Variants in KMT2C observed in about 807,000 individuals in gnomAD.
KMT2C encodes the protein histone-lysine N-methyltransferase 2C.
KMT2C carries 88 observed loss-of-function variants against 507.9 expected under a neutral mutation model. That is an observed-to-expected ratio of 0.17 (90% confidence interval 0.15 to 0.21). The LOEUF is 0.21. KMT2C is among the 10% of genes least tolerant of loss of function. The pLI is 1.00. For synonymous variants in KMT2C, 2,049 were observed against 2,080.8 expected (o/e 0.98, Z 0.42); for missense variants, 4,954 against 5,957.8 (o/e 0.83, Z 5.55).
intron 35 of KMT2C, 88 bp from the exon 36 acceptor site, chr7:152,182,682 T>C: frequency 2.5e-6 from 3 of 1,207,532 alleles, no homozygotes; most frequent in Non-Finnish European, 3.5e-6. Flanking sequence ...GAAAGTTAAT[T>C]TGTTTGATGT....
chr7:152,150,828 C>T, intron 51 of KMT2C, 72 bp downstream of exon 51: 1 of 1,032,642 alleles, frequency 9.7e-7, no homozygotes, highest in Middle Eastern at 2.0e-4. Context: ...CATCTTTATT[C>T]ACTCCCATAT....
intron 1 of KMT2C, among the ~76,000 whole-genome samples, chr7:152,389,086 G>C (rs1451584324): frequency 1.3e-5 from 2 of 151,644 alleles, no homozygotes; most frequent in Non-Finnish European, 2.9e-5. Flanking sequence ...GTTTCACCGT[G>C]TTAGCAAGGA....
In KMT2C at chr7:152,180,035, A is replaced by G. The variant is rs777756949; in HGVS notation, c.7241T>C (p.Val2414Ala). 3 of 1,614,080 alleles carry G rather than the reference A, an allele frequency of 1.9e-6. No homozygotes were observed. Among genetic ancestry groups the G allele is most frequent in the African/African-American group, 1.3e-5 (1 of 74,916 alleles). Residue 2414 changes from valine (V) to alanine (A), a missense_variant, in exon 37 of 59, where the codon GTG becomes GCG. Transcript: ENST00000262189. ...GTGTTGAAGAGGCCCTGGATGAGGC[A>G]CTGCGGGTGAGTCCTGTGACCCCTT... ...QEKGSQDSPA[V>A]PHPGPLQHWQ...
intron 23 of KMT2C, among the ~76,000 whole-genome samples, chr7:152,216,115 C>T (rs2129143376): frequency 6.6e-6 from 1 of 152,242 alleles, no homozygotes; most frequent in South Asian, 2.1e-4. Context: ...CCCACACCTC[C>T]CAACACATCC....
At chr7:152,194,618 C>T (rs1299410495) in intron 28 of KMT2C, 50 bp from the exon 29 acceptor site, 7 of 1,466,494 alleles carry the variant, frequency 4.8e-6, no homozygotes, top group South Asian at 1.2e-5. Flanking sequence ...AATACTCACA[C>T]AAAAATGTAT....
At chr7:152,408,057 AG>A (rs1188339132) in intron 1 of KMT2C, among the ~76,000 whole-genome samples, 3 of 151,754 alleles carry the variant, frequency 2.0e-5, no homozygotes, top group Non-Finnish European at 4.4e-5. Context: ...TGGGAGGCCG[AG>A]GTGGGCAGAT....
At chr7:152,393,447 G>T (rs1246695028) in intron 1 of KMT2C, among the ~76,000 whole-genome samples, 2 of 152,042 alleles carry the variant, frequency 1.3e-5, no homozygotes, top group Non-Finnish European at 2.9e-5. Flanking sequence ...AGAAAAATGG[G>T]CAATGACAAA....
At chr7:152,359,054 T>C (rs2097174708) in intron 1 of KMT2C, among the ~76,000 whole-genome samples, 1 of 152,244 alleles carries the variant, frequency 6.6e-6, no homozygotes, top group Non-Finnish European at 1.5e-5. Flanking sequence ...GTTTAACTTC[T>C]ATATTTAATA....
At chr7:152,379,997 C>T (rs1172964668) in intron 1 of KMT2C, among the ~76,000 whole-genome samples, 2 of 152,308 alleles carry the variant, frequency 1.3e-5, no homozygotes, top group Non-Finnish European at 2.9e-5. Flanking sequence ...CTTTGGGAGG[C>T]CGAGGCAGGC....
chr7:152,273,227 G>C (rs1049214028), intron 7 of KMT2C, among the ~76,000 whole-genome samples: 9 of 152,138 alleles, frequency 5.9e-5, no homozygotes, highest in African/African-American at 2.2e-4. Context: ...GGTACTAGCA[G>C]AGATTTCTAT....
Position 152,302,202 on chromosome 7 carries a change from A to G in KMT2C, c.849+7764T>C, listed in dbSNP as rs538753025. ...TACCAATTCTATGAGGGGAGACAAC[A>G]GAAGTATTTTTTTAATGTCTTATTT... On this transcript the variant is annotated intron_variant, in intron 6 of 58. Coordinates refer to ENST00000262189, the MANE Select transcript of KMT2C (RefSeq NM_170606.3). Among the ~76,000 whole-genome samples, 186 of 152,202 alleles carry G rather than the reference A, an allele frequency of 1.2e-3. 2 individuals carry two copies. Among genetic ancestry groups the G allele is most frequent in the African/African-American group, 4.3e-3 (178 of 41,550 alleles).
At chr7:152,415,011 A>C (rs1302689821) in intron 1 of KMT2C, among the ~76,000 whole-genome samples, 1 of 151,624 alleles carries the variant, frequency 6.6e-6, no homozygotes, top group Non-Finnish European at 1.5e-5. Flanking sequence ...ACATGCAGCT[A>C]ATTTTTTATT....
chr7:152,291,966 A>T (rs1445606790), intron 6 of KMT2C, among the ~76,000 whole-genome samples: 1 of 152,182 alleles, frequency 6.6e-6, no homozygotes, highest in Non-Finnish European at 1.5e-5. Context: ...ACTTACTTTA[A>T]TTATAGCCTA....
rs763217845 is a variant in KMT2C at position 152,174,113 on chromosome 7, A to G, written c.9374+18T>C. On this transcript the variant is annotated intron_variant, in intron 39 of 58. Coordinates refer to ENST00000262189, the MANE Select transcript of KMT2C (RefSeq NM_170606.3). ...AATGTCTAGATGCCCAGTAGAAACA[A>G]GCAGCCACTCCACCTACCTGCTCAT... 1 of 1,361,944 alleles carries G rather than the reference A, an allele frequency of 7.3e-7. No homozygotes were observed. Among genetic ancestry groups the G allele is most frequent in the Non-Finnish European group, 1.0e-6 (1 of 973,420 alleles). The allele number at this position is 1,361,944 out of a possible 1,614,324, so 84.4% of individuals were successfully genotyped here.
rs908508771 is a variant in KMT2C at position 152,173,598 on chromosome 7, T to C, written c.9374+533A>G. On this transcript the variant is annotated intron_variant, in intron 39 of 58. Coordinates refer to ENST00000262189, the MANE Select transcript of KMT2C (RefSeq NM_170606.3). ...AAAATTCAGATATTGAAATAACCCC[T>C]ACTGTCTTCTTTAATGCGTAATTTC... 2.0e-5 allele frequency among the ~76,000 whole-genome samples: 3 copies of C among 152,340 alleles called. 1 individual carries two copies. In the South Asian group the frequency reaches 6.2e-4, roughly 32 times the overall value.
At chr7:152,182,941 C>T (rs2129121392) in intron 35 of KMT2C, 33 bp downstream of exon 35, 1 of 1,501,508 alleles carries the variant, frequency 6.7e-7, no homozygotes, top group Non-Finnish European at 8.9e-7. Context: ...AAAAATGCAA[C>T]TTCAAAAAGT....
rs2129118215 is a variant in KMT2C, at chr7:152,180,029, T to A, written c.7247A>T (p.His2416Leu). The A allele has an allele frequency of 6.2e-7, 1 of 1,614,196 alleles. No homozygotes were observed. The highest frequency in any genetic ancestry group is 8.5e-7 in the Non-Finnish European group (1 of 1,180,028). ...TTGCCAGTGTTGAAGAGGCCCTGGA[T>A]GAGGCACTGCGGGTGAGTCCTGTGA... Reference protein sequence around the residue: ...KGSQDSPAVPHPGPLQHWQPE... With the variant: ...KGSQDSPAVPLPGPLQHWQPE... Residue 2416 changes from histidine to leucine, a missense_variant, in exon 37 of 59, where the codon CAT becomes CTT. This residue lies in a region of KMT2C where 1,689 missense variants were observed against 1,654.3 expected (regional missense o/e 1.02). Transcript: ENST00000262189.
chr7:152,368,439 G>C lies in KMT2C; in HGVS notation c.162-9764C>G, dbSNP rs1269512669. On this transcript the variant is annotated intron_variant, in intron 1 of 58. Coordinates refer to ENST00000262189, the MANE Select transcript of KMT2C (RefSeq NM_170606.3). The stretch of plus-strand genomic sequence containing the variant: ...TGGAGATGGAGCAGGTGTTAGAGAT[G>C]AAGGTCAAATAAAAAGTTCAAAAAC... 7 of 1,168,194 alleles carry C rather than the reference G, an allele frequency of 6.0e-6. No individual in the cohort carries two copies. The East Asian group carries it at 1.8e-4, about 30-fold the overall frequency. The allele number at this position is 1,168,194 out of a possible 1,614,324, so 72.4% of individuals were successfully genotyped here. A position where few individuals can be genotyped will look rare whatever the true frequency, so the allele number is the denominator to read the frequency against.
chr7:152,170,360 TA>T (rs35271891), intron 40 of KMT2C, among the ~76,000 whole-genome samples: 11 of 149,430 alleles, frequency 7.4e-5, no homozygotes, highest in South Asian at 2.1e-4. Context: ...GCTCCCTTTA[TA>T]AAAAAAAAAT....
Sources: gnomAD v4.1 joint callset for allele counts (sites outside exome capture counted in the v4.1 genomes callset) on GRCh38, gnomAD v4.1.1 for gene constraint, gnomAD v4.1.1 regional missense constraint, MANE v1.5 for transcripts, NCBI Gene and HGNC (gene_info 2026-07-23, HGNC 2026-07-21) for gene names.